The following CIMIP2A variants were observed in gnomAD, a reference collection of about 807,000 sequenced individuals.
The protein encoded by CIMIP2A is family with sequence similarity 166 member A.
chr9:137,248,128 C>T, the CIMIP2A span, among the ~76,000 whole-genome samples: 4 of 152,224 alleles, frequency 2.6e-5, no homozygotes, highest in South Asian at 2.1e-4. Context: ...AGGGGCTTCC[C>T]GGCCTGCAGG....
chr9:137,251,760 T>C, the CIMIP2A span: 5 of 1,577,610 alleles, frequency 3.2e-6, no homozygotes, highest in Non-Finnish European at 3.4e-6. Context: ...TGTGCTGTTG[T>C]TGGGCCCGGA....
the CIMIP2A span, chr9:137,251,025 A>G: frequency 8.4e-6 from 4 of 477,036 alleles, no homozygotes; most frequent in African/African-American, 5.9e-5. Context: ...CCCAGGGTGC[A>G]GGAGAGGGGA....
At chr9:137,247,878 G>T in the CIMIP2A span, 2 of 670,410 alleles carry the variant, frequency 3.0e-6, no homozygotes, top group South Asian at 1.8e-5. Context: ...CATTGCACAG[G>T]TGAGACACTG....
At chr9:137,245,608 G>A in the CIMIP2A span, 8 of 1,613,362 alleles carry the variant, frequency 5.0e-6, no homozygotes, top group East Asian at 1.6e-4. Flanking sequence ...GCGGGCACAG[G>A]AGGGTGCAGG....
At chr9:137,252,893 C>A in the CIMIP2A span, 1 of 1,596,228 alleles carries the variant, frequency 6.3e-7, no homozygotes, top group South Asian at 1.1e-5. Flanking sequence ...TCCTGGGAGC[C>A]GCCTGCAGAG....
chr9:137,252,940 T>C, the CIMIP2A span: 71 of 1,599,904 alleles, frequency 4.4e-5, no homozygotes, highest in Non-Finnish European at 5.2e-5. Flanking sequence ...GCCGCTCCCC[T>C]GCGTTCACCT....
At chr9:137,243,599 T>C in the CIMIP2A span, 1 of 1,613,054 alleles carries the variant, frequency 6.2e-7, no homozygotes. Context: ...GTGTGAACTC[T>C]TTATTCACTC....
At chr9:137,245,853 G>T in the CIMIP2A span, 1 of 1,504,336 alleles carries the variant, frequency 6.6e-7, no homozygotes, top group Non-Finnish European at 8.9e-7. Flanking sequence ...AGCCGGCATA[G>T]CTGTGGAGGG....
chr9:137,252,894 G>A, the CIMIP2A span: 14 of 1,595,974 alleles, frequency 8.8e-6, no homozygotes, highest in African/African-American at 8.1e-5. Context: ...CCTGGGAGCC[G>A]CCTGCAGAGC....
chr9:137,243,763 T>C, the CIMIP2A span: 2,659 of 1,614,062 alleles, frequency 1.6e-3, 39 homozygotes, highest in South Asian at 0.024. Context: ...TGTTGCCGAA[T>C]GTCAGGGCGT....
chr9:137,243,921 G>C, the CIMIP2A span: 2 of 1,082,084 alleles, frequency 1.8e-6, no homozygotes, highest in East Asian at 2.4e-5. Flanking sequence ...CTTGCTTGTT[G>C]AAGGCAGGCC....
chr9:137,248,759 T>C, the CIMIP2A span, among the ~76,000 whole-genome samples: 3 of 152,076 alleles, frequency 2.0e-5, no homozygotes, highest in African/African-American at 7.2e-5. Context: ...TCCCAGTTAC[T>C]TGGGAGGCTG....
At chr9:137,253,401 T>C in the CIMIP2A span, 2 of 1,495,818 alleles carry the variant, frequency 1.3e-6, no homozygotes, top group African/African-American at 1.4e-5. Context: ...AACCCTTCTA[T>C]GGGCTGTGGA....
chr9:137,245,058 C>T, the CIMIP2A span: 4 of 1,610,436 alleles, frequency 2.5e-6, no homozygotes, highest in Admixed American at 1.7e-5. Flanking sequence ...GAGGGGCGGC[C>T]TTCTCCAGCC....
chr9:137,245,405 C>T, the CIMIP2A span: 27 of 1,613,764 alleles, frequency 1.7e-5, no homozygotes, highest in Non-Finnish European at 2.1e-5. Context: ...CCCTTCCTGC[C>T]TGGTGGGCAC....
At chr9:137,252,527 T>A in the CIMIP2A span, 1 of 1,427,222 alleles carries the variant, frequency 7.0e-7, no homozygotes, top group African/African-American at 1.7e-5. Context: ...GAGCAAAAGG[T>A]TGGGGGCTGG....
chr9:137,251,863 T>C, the CIMIP2A span: 489 of 1,608,618 alleles, frequency 3.0e-4, no homozygotes, highest in Non-Finnish European at 3.7e-4. Context: ...CAGGAGTCCC[T>C]GCCCACCTAC....
At chr9:137,253,974 G>A in the CIMIP2A span, among the ~76,000 whole-genome samples, 4 of 152,196 alleles carry the variant, frequency 2.6e-5, no homozygotes, top group African/African-American at 4.8e-5. Flanking sequence ...TTCACCTGCT[G>A]GGACCCTGCA....
chr9:137,244,374 G>C, the CIMIP2A span: 1 of 1,596,182 alleles, frequency 6.3e-7, no homozygotes, highest in African/African-American at 1.3e-5. Context: ...CTGGCCGGAG[G>C]GCCGGCACTC....
Sources: gnomAD v4.1 joint callset for allele counts (sites outside exome capture counted in the v4.1 genomes callset) on GRCh38, gnomAD v4.1.1 for gene constraint, MANE v1.5 for transcripts, NCBI Gene and HGNC (gene_info 2026-07-23, HGNC 2026-07-21) for gene names.